Variants in MTMR11 observed in about 807,000 individuals in gnomAD.
The protein encoded by MTMR11 is myotubularin-related protein 11.
A neutral mutation model predicts 100.0 loss-of-function variants in MTMR11; 89 were observed. The observed-to-expected ratio is 0.89, with a 90% CI of 0.75 to 1.06. MTMR11 has a LOEUF of 1.06. Among genes scored for constraint, MTMR11 ranks in the 50% least tolerant of loss-of-function variants. The pLI, the probability that MTMR11 is intolerant of heterozygous loss-of-function variation, is 0.00. For synonymous variants in MTMR11, 336 were observed against 326.3 expected (o/e 1.03, Z -0.32); for missense variants, 809 against 873.7 (o/e 0.93, Z 0.93).
chr1:149,930,397 G>T lies in MTMR11; in HGVS notation c.1615C>A (p.His539Asn). ...CTAGGGAGCCAGGAATCTGGACAGT[G>T]TTCTGGGTCATAGCCAGGATTCTGG... ...QFQNPGYDPE[H>N]CPDSWLPRPQ... is the part of the protein sequence containing the mutation. Residue 539 changes from histidine (H) to asparagine (N), a missense_variant, in exon 15 of 17, where the codon CAC becomes AAC. Physicochemically the swap from His to Asn is moderately conservative, Grantham distance 68. Transcript: ENST00000439741. 1 of 1,613,986 alleles carries T rather than the reference G, an allele frequency of 6.2e-7. No individual in the cohort carries two copies. The highest frequency in any genetic ancestry group is 8.5e-7 in the Non-Finnish European group (1 of 1,179,874).
At chr1:149,932,359 C>T (rs2092671385) in intron 10 of MTMR11, 29 bp from the exon 11 acceptor site, 3 of 1,580,096 alleles carry the variant, frequency 1.9e-6, no homozygotes, top group Admixed American at 1.7e-5. Context: ...ATCAGAAGGG[C>T]AAGAGATTAG....
chr1:149,931,877 A>G (rs930583557), intron 12 of MTMR11, 67 bp downstream of exon 12: 2 of 1,416,864 alleles, frequency 1.4e-6, no homozygotes, highest in Non-Finnish European at 2.0e-6. Context: ...CCCTCCCTGA[A>G]TGCAATCTGG....
At position 149,928,667 on chromosome 1, in the gene MTMR11, G is replaced by A; in HGVS notation, c.*462C>T. ...TGCCAGCAATGTGTATAAATACTATGCTTTAATGAGCCCCTTAAATAGAAA... is the reference window on the plus strand; with the variant it reads ...TGCCAGCAATGTGTATAAATACTATACTTTAATGAGCCCCTTAAATAGAAA... On this transcript the variant is annotated 3_prime_UTR_variant, in exon 17 of 17. Transcript: ENST00000439741. 1.7e-6 allele frequency: 1 copy of A among 604,246 alleles called. No homozygotes were observed. Among genetic ancestry groups the A allele is most frequent in the Admixed American group, 3.0e-5 (1 of 33,874 alleles). The allele number at this position is 604,246 out of a possible 1,614,324, so 37.4% of individuals were successfully genotyped here.
rs2092694268 is a variant in MTMR11, at chr1:149,934,043, T to C, written c.684-101A>G. 3 of 1,543,480 alleles carry C rather than the reference T, an allele frequency of 1.9e-6. No individual in the cohort carries two copies. The Admixed American group carries it at 5.1e-5, about 26-fold the overall frequency. On this transcript the variant is annotated intron_variant, in intron 7 of 16. Transcript: ENST00000439741. ...GCTTCAGAGGGACCATTCCAAGGGA[T>C]TTCAGGTTTAGGGATCTAGGAGGCA...
At position 149,930,534 on chromosome 1, in the gene MTMR11, G is replaced by C. The variant is rs114842926; in HGVS notation, c.1478C>G (p.Thr493Arg). ...GKQSGQLNSY[T>R]QVYTPGYSQP... Reference sequence around the variant, plus strand: ...GGAGTATCCTGGGGTGTAGACTTGTGTATAGGAGTTTAACTGGACAGAGGA... The same window carrying C: ...GGAGTATCCTGGGGTGTAGACTTGTCTATAGGAGTTTAACTGGACAGAGGA... Residue 493 changes from threonine (T) to arginine (R), a missense_variant, in exon 15 of 17, where the codon ACA becomes AGA. Physicochemically the swap from Thr to Arg is moderately conservative, Grantham distance 71 (BLOSUM62 -1). Transcript: ENST00000439741. The C allele has an allele frequency of 2.8e-5, 45 of 1,612,556 alleles. No homozygotes were observed. Among genetic ancestry groups the C allele is most frequent in the Non-Finnish European group, 3.7e-5 (44 of 1,179,240 alleles).
chr1:149,934,551 C>A (rs1229969654), intron 5 of MTMR11, 25 bp from the exon 6 acceptor site: 3 of 1,610,396 alleles, frequency 1.9e-6, no homozygotes, highest in African/African-American at 1.3e-5. Context: ...ACATTCCATC[C>A]TTTTGGCTTA....
intron 10 of MTMR11, among the ~76,000 whole-genome samples, chr1:149,932,881 T>G (rs1332554553): frequency 6.7e-6 from 1 of 150,318 alleles, no homozygotes; most frequent in Non-Finnish European, 1.5e-5. Flanking sequence ...AACATGGGAG[T>G]TGGAGGTTGC....
chr1:149,931,807 A>T (rs1237736849), intron 12 of MTMR11, 137 bp downstream of exon 12: 1 of 735,520 alleles, frequency 1.4e-6, no homozygotes, highest in Admixed American at 2.3e-5. Flanking sequence ...GCACTGAAGG[A>T]TGAGAGTAGA....
chr1:149,932,616 T>TGTGGGAGAG (rs1261471991), intron 10 of MTMR11, among the ~76,000 whole-genome samples: 1 of 152,078 alleles, frequency 6.6e-6, no homozygotes, highest in Non-Finnish European at 1.5e-5. Context: ...CCAGTGAGTC[T>TGTGGGAGAG]GTGGGAGAGG....
rs1264199038 is a variant in MTMR11, at chr1:149,936,697, G to A, written c.-50C>T. 7.2e-5 allele frequency: 91 copies of A among 1,259,344 alleles called. No homozygotes were observed. The Admixed American group carries it at 1.8e-3, about 24-fold the overall frequency. 78.0% of individuals were successfully genotyped at this position (1,259,344 alleles called of 1,614,324 possible). On this transcript the variant is annotated 5_prime_UTR_variant, in exon 1 of 17. Coordinates refer to ENST00000439741, the MANE Select transcript of MTMR11 (RefSeq NM_001145862.2). ...AGCAGTTAAGGGTGGGAAACCTCAA[G>A]GATGCTCACCCACCTCGGGGAGAGG...
At chr1:149,931,232 C>T (rs782501862) in intron 13 of MTMR11, 28 bp downstream of exon 13, 2 of 1,612,950 alleles carry the variant, frequency 1.2e-6, no homozygotes, top group Admixed American at 3.3e-5. Context: ...AGTAATATGC[C>T]CCCGATGCCA....
At chr1:149,931,004 C>A in intron 13 of MTMR11, 39 bp from the exon 14 acceptor site, 1 of 1,541,362 alleles carries the variant, frequency 6.5e-7, no homozygotes, top group South Asian at 1.2e-5. Flanking sequence ...ATTATTGGGA[C>A]CCAAAGAGGG....
Position 149,935,113 on chromosome 1 carries a change from C to T in MTMR11, c.341G>A (p.Arg114Gln), listed in dbSNP as rs368388109. 2.5e-5 allele frequency: 41 copies of T among 1,613,990 alleles called. 1 individual carries two copies. The South Asian group carries it at 3.6e-4, about 14-fold the overall frequency. The change falls in exon 5 of 17, where the codon CGA becomes CAA. Residue 114 changes from arginine (R) to glutamine (Q), a missense_variant. By Grantham distance (43) the Arg-to-Gln change is conservative. Coordinates refer to ENST00000439741, the MANE Select transcript of MTMR11 (RefSeq NM_001145862.2). The part of the protein sequence containing the change: ...GRLEAVSGLS[R>Q]VQLLRPGSLH... ...GGACCCTGGACGGAGGAGCTGGACT[C>T]GGGACAAGCCGCTCACTGAAGTCAA... is the stretch of plus-strand genomic sequence containing the variant.
Position 149,934,267 on chromosome 1 carries a change from C to T in MTMR11, c.607G>A (p.Glu203Lys), listed in dbSNP as rs1553768447. The part of the protein sequence containing the change: ...IPLMETAEDW[E>K]TERKKQAARG... Reference sequence around the variant, plus strand: ...GCTGCCTGCTTCTTCCGCTCAGTCTCCCAGTCTTCCGCTGTCTCCATGAGA... The same window carrying T: ...GCTGCCTGCTTCTTCCGCTCAGTCTTCCAGTCTTCCGCTGTCTCCATGAGA... Residue 203 changes from glutamate (E) to lysine (K), a missense_variant, in exon 7 of 17, where the codon GAG (glutamate) becomes AAG (lysine). Transcript: ENST00000439741. 1.2e-6 allele frequency: 2 copies of T among 1,614,162 alleles called. No homozygotes were observed. The highest frequency in any genetic ancestry group is 8.5e-7 in the Non-Finnish European group (1 of 1,180,018).
chr1:149,932,077 G>T, intron 11 of MTMR11, 63 bp from the exon 12 acceptor site: 1 of 1,500,314 alleles, frequency 6.7e-7, no homozygotes, highest in East Asian at 2.3e-5. Flanking sequence ...GAGTGATTTT[G>T]ATGGGTCATG....
At chr1:149,932,957 C>CTTT (rs201894021) in intron 10 of MTMR11, among the ~76,000 whole-genome samples, 14 of 136,944 alleles carry the variant, frequency 1.0e-4, no homozygotes, top group Non-Finnish European at 1.4e-4. Flanking sequence ...TCTCATCTGC[C>CTTT]TTTTTTTTTT....
chr1:149,933,484 C>A lies in MTMR11; in HGVS notation c.907G>T (p.Val303Leu), dbSNP rs1553768136. 6.2e-7 allele frequency: 1 copy of A among 1,614,076 alleles called. No individual in the cohort carries two copies. The highest frequency in any genetic ancestry group is 1.1e-5 in the South Asian group (1 of 91,078). ...LQAGHSDVVL[V>L]DTMDELPSLA... is the part of the protein sequence containing the mutation. ...CTGGGCAGCTCATCCATAGTGTCTA[C>A]CAGGACAACATCTGAATGCCCAGCC... The change falls in exon 10 of 17, where the codon GTA (valine) becomes TTA (leucine). Residue 303 changes from valine to leucine, a missense_variant. Val to Leu is a conservative substitution (Grantham distance 32). Coordinates refer to ENST00000439741, the MANE Select transcript of MTMR11 (RefSeq NM_001145862.2).
At chr1:149,930,753 TG>T in intron 14 of MTMR11, 38 bp downstream of exon 14, 1 of 1,512,368 alleles carries the variant, frequency 6.6e-7, no homozygotes, top group Non-Finnish European at 8.8e-7. Flanking sequence ...TACATCTCAA[TG>T]GAAAAAAAAA....
intron 11 of MTMR11, 75 bp from the exon 12 acceptor site, chr1:149,932,089 G>A (rs1322423338): frequency 6.8e-6 from 10 of 1,460,678 alleles, no homozygotes; most frequent in Non-Finnish European, 7.7e-6. Context: ...TGGGTCATGG[G>A]ATGGAATAAG....
Sources: gnomAD v4.1 joint callset for allele counts (sites outside exome capture counted in the v4.1 genomes callset) on GRCh38, gnomAD v4.1.1 for gene constraint, MANE v1.5 for transcripts, NCBI Gene and HGNC (gene_info 2026-07-23, HGNC 2026-07-21) for gene names.